The following MYH15 variants were observed in gnomAD, a reference collection of about 807,000 sequenced individuals.
The protein encoded by MYH15 is myosin-15.
Under a neutral mutation model 240.5 loss-of-function variants are expected in MYH15, and 227 were observed. That is an observed-to-expected ratio of 0.94 (90% confidence interval 0.85 to 1.05). The LOEUF (loss-of-function observed/expected upper bound fraction) is 1.05. Ranked by LOEUF, MYH15 falls within the 50% of genes least tolerant of loss-of-function variation. MYH15 has a pLI of 0.00. For synonymous variants in MYH15, 785 were observed against 796.7 expected (o/e 0.99, Z 0.25); for missense variants, 2,217 against 2,247.5 (o/e 0.99, Z 0.27).
upstream of MYH15, among the ~76,000 whole-genome samples, chr3:108,530,847 G>C (rs1256795078): frequency 1.3e-5 from 2 of 152,136 alleles, no homozygotes; most frequent in African/African-American, 4.8e-5. Context: ...GATGGAATGA[G>C]TAGATAAAAA....
intron 16 of MYH15, 111 bp from the exon 17 acceptor site, chr3:108,460,478 T>C (rs112864918): frequency 1.5e-5 from 10 of 656,622 alleles, no homozygotes; most frequent in African/African-American, 1.1e-4. Flanking sequence ...TAGAACAATA[T>C]GGCAATATCT....
intron 7 of MYH15, among the ~76,000 whole-genome samples, chr3:108,493,770 G>A (rs535375785): frequency 6.6e-6 from 1 of 152,202 alleles, no homozygotes; most frequent in Non-Finnish European, 1.5e-5. Flanking sequence ...TGGAGTCGAA[G>A]AGGTAGACAA....
intron 17 of MYH15, among the ~76,000 whole-genome samples, chr3:108,460,062 T>C (rs2083058006): frequency 6.6e-6 from 1 of 152,118 alleles, no homozygotes; most frequent in South Asian, 2.1e-4. Context: ...AACTCAGAGT[T>C]GTTATGAGCC....
At chr3:108,441,398 G>T in intron 22 of MYH15, 138 bp from the exon 23 acceptor site, 1 of 945,904 alleles carries the variant, frequency 1.1e-6, no homozygotes, top group East Asian at 2.5e-5. Flanking sequence ...CTAAACAGCT[G>T]CAATAATATT....
intron 12 of MYH15, among the ~76,000 whole-genome samples, chr3:108,472,217 A>G (rs2083184062): frequency 6.6e-6 from 1 of 152,210 alleles, no homozygotes; most frequent in South Asian, 2.1e-4. Context: ...TGCAGATCCT[A>G]CTTCCATAAC....
Position 108,507,829 on chromosome 3 carries a change from G to A in MYH15, c.89-2000C>T, listed in dbSNP as rs113090621. On this transcript the variant is annotated intron_variant, in intron 1 of 40. Coordinates refer to ENST00000693548, the MANE Select transcript of MYH15 (RefSeq NM_014981.3). ...ATTTTGGTCCCTTTTTGCAAAAACT[G>A]ATTTTGCTTTGTGTTATGTCTATGA... is the stretch of plus-strand genomic sequence containing the variant. Among the ~76,000 whole-genome samples, 725 of 152,170 alleles carry A rather than the reference G, an allele frequency of 4.8e-3. 4 individuals carry two copies. Among genetic ancestry groups the A allele is most frequent in the Non-Finnish European group, 7.0e-3 (478 of 67,988 alleles).
rs769098475 is a variant in MYH15, at chr3:108,398,815, C to T, written c.4955G>A (p.Ser1652Asn). Residue 1652 changes from serine (S) to asparagine (N), a missense_variant, in exon 35 of 41, where the codon AGC becomes AAC. Physicochemically the swap from Ser to Asn is conservative, Grantham distance 46. Coordinates refer to ENST00000693548, the MANE Select transcript of MYH15 (RefSeq NM_014981.3). ...IKDLQMQLDD[S>N]TQLNSDLKEQ... ...CTTCAGATCACTGTTCAGTTGTGTG[C>T]TGTCATCCAGCTGCATTTGAAGGTC... The T allele has an allele frequency of 6.2e-7, 1 of 1,614,198 alleles. No homozygotes were observed. Among genetic ancestry groups the T allele is most frequent in the African/African-American group, 1.3e-5 (1 of 75,056 alleles).
intron 39 of MYH15, 61 bp from the exon 40 acceptor site, chr3:108,383,790 T>TTTC: frequency 7.4e-7 from 1 of 1,355,382 alleles, no homozygotes; most frequent in Middle Eastern, 2.4e-4. Context: ...GTGTTTTTTT[T>TTTC]TTCTGCTCTG....
intron 23 of MYH15, 147 bp from the exon 24 acceptor site, chr3:108,440,060 T>A (rs2082873296): frequency 6.9e-6 from 4 of 575,630 alleles, no homozygotes; most frequent in Non-Finnish European, 1.1e-5. Context: ...CCTGATACGC[T>A]TTCTAAAGCT....
chr3:108,448,464 G>A (rs2107573917), intron 21 of MYH15, among the ~76,000 whole-genome samples: 1 of 152,026 alleles, frequency 6.6e-6, no homozygotes, highest in Non-Finnish European at 1.5e-5. Context: ...AGTTACATCA[G>A]ATAAAATATA....
chr3:108,449,894 T>C (rs1436701612), intron 21 of MYH15, among the ~76,000 whole-genome samples: 2 of 151,870 alleles, frequency 1.3e-5, no homozygotes, highest in Admixed American at 6.6e-5. Flanking sequence ...AACAACCCCA[T>C]TAAAAATCAG....
intron 30 of MYH15, 45 bp from the exon 31 acceptor site, chr3:108,410,977 C>A (rs1436525361): frequency 2.0e-6 from 3 of 1,466,322 alleles, no homozygotes; most frequent in Non-Finnish European, 2.8e-6. Context: ...CAATAACTCT[C>A]AGAGAGCTCA....
At chr3:108,542,774 A>G in the MYH15 span, among the ~76,000 whole-genome samples, 5,533 of 151,804 alleles carry the variant, frequency 0.036, 335 homozygotes, top group African/African-American at 0.13. Flanking sequence ...TTCAGCTCCC[A>G]CTTATAACTG....
intron 14 of MYH15, 108 bp downstream of exon 14, chr3:108,469,934 C>A: frequency 1.8e-6 from 2 of 1,085,142 alleles, no homozygotes; most frequent in Non-Finnish European, 1.3e-6. Flanking sequence ...GGCTTTCCGC[C>A]CCCATTTCCC....
chr3:108,399,820 C>A (rs2082490508), intron 33 of MYH15, among the ~76,000 whole-genome samples: 1 of 152,108 alleles, frequency 6.6e-6, no homozygotes, highest in Non-Finnish European at 1.5e-5. Context: ...AGAGTACACC[C>A]AAGGATTGGC....
chr3:108,528,737 A>G (rs994937980), intron 1 of MYH15, among the ~76,000 whole-genome samples: 3 of 152,208 alleles, frequency 2.0e-5, no homozygotes, highest in Non-Finnish European at 4.4e-5. Context: ...CACAGTGCTA[A>G]TTAATACTCA....
intron 21 of MYH15, among the ~76,000 whole-genome samples, chr3:108,446,315 T>C (rs1243652542): frequency 6.6e-6 from 1 of 152,150 alleles, no homozygotes; most frequent in Non-Finnish European, 1.5e-5. Flanking sequence ...CTAATCTTCA[T>C]GGACCCAGGA....
intron 1 of MYH15, among the ~76,000 whole-genome samples, chr3:108,521,397 TAAA>T (rs11359459): frequency 6.9e-6 from 1 of 145,412 alleles, no homozygotes; most frequent in Non-Finnish European, 1.5e-5. Context: ...GAAATGATGT[TAAA>T]AAAAAAAAAG....
At chr3:108,513,202 C>A (rs1353700929), upstream of MYH15, among the ~76,000 whole-genome samples, 1 of 152,132 alleles carries the variant, frequency 6.6e-6, no homozygotes, top group South Asian at 2.1e-4. Flanking sequence ...GACAGAGAAA[C>A]ACAGATGAGT....
Sources: allele counts gnomAD v4.1 joint callset (sites outside exome capture counted in the v4.1 genomes callset), GRCh38; gene constraint gnomAD v4.1.1; transcripts MANE v1.5; gene names NCBI Gene and HGNC (gene_info 2026-07-23, HGNC 2026-07-21).